The following PRR14L variants were observed in gnomAD, a reference collection of about 807,000 sequenced individuals.
PRR14L encodes the protein proline rich 14 like, also known as protein PRR14L.
In PRR14L, 80 loss-of-function variants were observed where a neutral mutation model predicts 155.0. That is an observed-to-expected ratio of 0.52 (90% CI 0.43 to 0.62). The LOEUF is 0.62. PRR14L is among the 20% of genes least tolerant of loss of function. The probability of loss-of-function intolerance (pLI) is 0.00; values close to 1 mark genes in which losing one functional copy is unlikely to be tolerated. For missense variants in PRR14L, 2,469 were observed against 2,548.0 expected, an observed-to-expected ratio of 0.97 and a Z score of 0.67; for synonymous variants, 883 against 916.0, an observed-to-expected ratio of 0.96 and a Z score of 0.65.
intron 1 of PRR14L, among the ~76,000 whole-genome samples, chr22:31,744,115 C>T (rs1299948319): frequency 1.3e-5 from 2 of 148,986 alleles, no homozygotes; most frequent in African/African-American, 4.9e-5. Flanking sequence ...ACTCCTTCTG[C>T]CTCAGCATGC....
chr22:31,721,292 C>G (rs1054117899), intron 3 of PRR14L, among the ~76,000 whole-genome samples: 3 of 152,224 alleles, frequency 2.0e-5, no homozygotes, highest in Non-Finnish European at 2.9e-5. Context: ...AAAAGTGCAT[C>G]CTACCAATTA....
At position 31,714,614 on chromosome 22, in the gene PRR14L, A is replaced by G; in HGVS notation, c.3225T>C (p.Asn1075=). Residue 1075 remains asparagine, a synonymous_variant, in exon 4 of 9, where the codon AAT becomes AAC. Transcript: ENST00000327423. Reference sequence around the variant, plus strand: ...CTTGCCTTGCACCACAATCCAGTAGATTAGATGCCTTCACGTCCAGCACAC... The same window carrying G: ...CTTGCCTTGCACCACAATCCAGTAGGTTAGATGCCTTCACGTCCAGCACAC... ...AEGVLDVKAS[N]LLDCGARQEK... 6.4e-7 allele frequency: 1 copy of G among 1,552,008 alleles called. No individual in the cohort carries two copies. The highest frequency in any genetic ancestry group is 8.7e-7 in the Non-Finnish European group (1 of 1,147,076).
chr22:31,727,234 CTTT>C (rs397831840), intron 2 of PRR14L, among the ~76,000 whole-genome samples: 4 of 136,718 alleles, frequency 2.9e-5, no homozygotes, highest in Admixed American at 7.5e-5. Flanking sequence ...AGCCACAATT[CTTT>C]TTTTTTTTTT....
Position 31,704,638 on chromosome 22 carries a change from G to A in PRR14L, c.5828+17C>T, listed in dbSNP as rs750353631. ...ACACGCACACGCGCACACACACGCTGAGTCTCATGTGCTTACCTCGTCTGA... is the reference window on the plus strand; with the variant it reads ...ACACGCACACGCGCACACACACGCTAAGTCTCATGTGCTTACCTCGTCTGA... On this transcript the variant is annotated intron_variant, in intron 5 of 8. Coordinates refer to ENST00000327423, the MANE Select transcript of PRR14L (RefSeq NM_173566.3). 3 of 1,608,574 alleles carry A rather than the reference G, an allele frequency of 1.9e-6. No homozygotes were observed. Among genetic ancestry groups the A allele is most frequent in the Admixed American group, 1.7e-5 (1 of 59,960 alleles).
rs1329553439 is a variant in PRR14L, at chr22:31,738,644, C to G, written c.217G>C (p.Glu73Gln). Residue 73 changes from glutamate to glutamine, a missense_variant, in exon 2 of 9, where the codon GAG becomes CAG. This residue lies in a region of PRR14L where 2,363 missense variants were observed against 2,371.6 expected (regional missense o/e 1.00). Transcript: ENST00000327423. ...LPLELQRTHVESCCEETYETL... is the reference protein window; with the variant it reads ...LPLELQRTHVQSCCEETYETL... The stretch of plus-strand genomic sequence containing the variant: ...TCATAGGTTTCTTCACAACAACTCT[C>G]CACATGAGTCCTCTGCAGCTCCAAG... 3 of 1,552,110 alleles carry G rather than the reference C, an allele frequency of 1.9e-6. No individual in the cohort carries two copies. The highest frequency in any genetic ancestry group is 4.9e-5 in the East Asian group (2 of 40,926).
chr22:31,733,486 G>A (rs992313445), intron 2 of PRR14L, among the ~76,000 whole-genome samples: 1 of 150,808 alleles, frequency 6.6e-6, no homozygotes, highest in Non-Finnish European at 1.5e-5. Context: ...TGTATTTTTA[G>A]TAGAGACAGG....
chr22:31,730,942 T>C (rs756907784), intron 2 of PRR14L, among the ~76,000 whole-genome samples: 1 of 152,176 alleles, frequency 6.6e-6, no homozygotes, highest in South Asian at 2.1e-4. Flanking sequence ...CAAAAGTAAG[T>C]GTCGAATAAT....
Position 31,681,609 on chromosome 22 carries a change from G to A in PRR14L, c.*3918C>T. Reference sequence around the variant, plus strand: ...TCAAATCCAATTCAGCACCAGAGAGGGGCTTGTGAAGACACACAATCAACA... The same window carrying A: ...TCAAATCCAATTCAGCACCAGAGAGAGGCTTGTGAAGACACACAATCAACA... On this transcript the variant is annotated 3_prime_UTR_variant, in exon 9 of 9. Coordinates refer to ENST00000327423, the MANE Select transcript of PRR14L (RefSeq NM_173566.3). 1 of 152,076 alleles carries A rather than the reference G, an allele frequency of 6.6e-6. No homozygotes were observed. Among genetic ancestry groups the A allele is most frequent in the East Asian group, 1.9e-4 (1 of 5,190 alleles). 9.4% of individuals were successfully genotyped at this position (152,076 alleles called of 1,614,324 possible). A position where few individuals can be genotyped will look rare whatever the true frequency, so the allele number is the denominator to read the frequency against.
intron 3 of PRR14L, among the ~76,000 whole-genome samples, chr22:31,719,107 C>G (rs753205937): frequency 6.6e-6 from 1 of 151,852 alleles, no homozygotes; most frequent in African/African-American, 2.4e-5. Flanking sequence ...CAAAACAAAA[C>G]AATCTAATTC....
At chr22:31,749,102 A>G (rs1018536543) in intron 1 of PRR14L, among the ~76,000 whole-genome samples, 22 of 152,348 alleles carry the variant, frequency 1.4e-4, no homozygotes, top group African/African-American at 4.6e-4. Context: ...AGCTTACTAT[A>G]TAACTAGTAT....
At chr22:31,687,159 T>A (rs572169115) in intron 8 of PRR14L, among the ~76,000 whole-genome samples, 61 of 152,120 alleles carry the variant, frequency 4.0e-4, no homozygotes, top group African/African-American at 1.4e-3. Context: ...TGCCTCAGCC[T>A]CCCGAGTAGC....
intron 2 of PRR14L, among the ~76,000 whole-genome samples, chr22:31,733,102 C>T (rs528024320): frequency 1.3e-5 from 2 of 151,730 alleles, no homozygotes; most frequent in African/African-American, 4.8e-5. Flanking sequence ...ATTCTCCTGC[C>T]TCAACCTCCC....
chr22:31,736,969 C>T (rs774265707), intron 2 of PRR14L, among the ~76,000 whole-genome samples: 8 of 126,084 alleles, frequency 6.3e-5, no homozygotes, highest in Non-Finnish European at 9.4e-5. Flanking sequence ...TCCCAGGAGG[C>T]GAAGGTTGCA....
chr22:31,685,450 C>CAAAAAAAAAAAAAAAAACCAAAAAAA lies in PRR14L; in HGVS notation c.*76_*77insTTTTTTTGGTTTTTTTTTTTTTTTTT. Reference sequence around the variant, plus strand: ...TTAGGCAACCTTTTCCAAGGAGGTCCAAAAAAAAAAAAAAAACCCAAAAAC... The same window carrying CAAAAAAAAAAAAAAAAACCAAAAAAA: ...TTAGGCAACCTTTTCCAAGGAGGTCCAAAAAAAAAAAAAAAAACCAAAAAAAAAAAAAAAAAAAAAAACCCAAAAAC... On this transcript the variant is annotated 3_prime_UTR_variant, in exon 9 of 9. Transcript: ENST00000327423. The CAAAAAAAAAAAAAAAAACCAAAAAAA allele has an allele frequency of 1.8e-6, 2 of 1,105,836 alleles. No individual in the cohort carries two copies. Among genetic ancestry groups the CAAAAAAAAAAAAAAAAACCAAAAAAA allele is most frequent in the Non-Finnish European group, 1.2e-6 (1 of 816,322 alleles). 68.5% of individuals were successfully genotyped at this position (1,105,836 alleles called of 1,614,324 possible).
At chr22:31,698,089 A>G (rs925812441) in intron 7 of PRR14L, among the ~76,000 whole-genome samples, 14 of 151,670 alleles carry the variant, frequency 9.2e-5, no homozygotes, top group African/African-American at 3.1e-4. Context: ...GAGTGGCTCA[A>G]TCATGGCTCA....
intron 1 of PRR14L, among the ~76,000 whole-genome samples, chr22:31,747,403 C>T (rs543636001): frequency 8.7e-4 from 131 of 150,954 alleles, no homozygotes; most frequent in Non-Finnish European, 1.2e-3. Flanking sequence ...CATGAGCCAC[C>T]GCGCCTGGCC....
At chr22:31,708,325 T>C (rs62240686) in intron 4 of PRR14L, among the ~76,000 whole-genome samples, 11,372 of 150,668 alleles carry the variant, frequency 0.075, 490 homozygotes, top group Admixed American at 0.14. Flanking sequence ...AGCAGGTTTG[T>C]TGTTTATTTA....
chr22:31,694,933 AT>A (rs1361739529), intron 7 of PRR14L, among the ~76,000 whole-genome samples: 1 of 151,286 alleles, frequency 6.6e-6, no homozygotes, highest in Non-Finnish European at 1.5e-5. Flanking sequence ...AAATACAAAA[AT>A]TAGCTGGGTG....
intron 2 of PRR14L, among the ~76,000 whole-genome samples, chr22:31,736,696 T>C (rs1225586986): frequency 1.3e-5 from 2 of 152,114 alleles, no homozygotes; most frequent in African/African-American, 4.8e-5. Flanking sequence ...ATTTATGTAT[T>C]GCCTCTGCCC....
Sources: gnomAD v4.1 joint callset for allele counts (sites outside exome capture counted in the v4.1 genomes callset) on GRCh38, gnomAD v4.1.1 for gene constraint, gnomAD v4.1.1 regional missense constraint, MANE v1.5 for transcripts, NCBI Gene and HGNC (gene_info 2026-07-23, HGNC 2026-07-21) for gene names.